Variants in SLC2A13 observed in about 807,000 individuals in gnomAD.
SLC2A13 encodes the protein proton myo-inositol cotransporter.
A neutral mutation model predicts 64.4 loss-of-function variants in SLC2A13; 32 were observed. That is an observed-to-expected ratio of 0.50 (90% CI 0.37 to 0.67). The LOEUF (loss-of-function observed/expected upper bound fraction) is 0.67, where lower values mean the gene tolerates loss of function less well. Ranked by LOEUF, SLC2A13 falls within the 30% of genes least tolerant of loss-of-function variation. SLC2A13 has a pLI of 0.00. For synonymous variants in SLC2A13, 338 were observed against 327.1 expected (o/e 1.03, Z -0.36); for missense variants, 743 against 829.2 (o/e 0.90, Z 1.28).
intron 1 of SLC2A13, among the ~76,000 whole-genome samples, chr12:40,052,815 A>C (rs1948280364): frequency 6.6e-6 from 1 of 152,134 alleles, no homozygotes; most frequent in Non-Finnish European, 1.5e-5. Context: ...GGATAAGATC[A>C]CTCAATGGCA....
At chr12:40,024,845 T>C (rs1565594712) in intron 3 of SLC2A13, among the ~76,000 whole-genome samples, 1 of 152,218 alleles carries the variant, frequency 6.6e-6, no homozygotes, top group Non-Finnish European at 1.5e-5. Context: ...AATCTGGTTT[T>C]CTTTTCTTAC....
rs7307258 is a variant in SLC2A13, at chr12:40,026,521, A to G, written c.925+1780T>C. Among the ~76,000 whole-genome samples the G allele has an allele frequency of 9.5e-3, 1,440 of 152,334 alleles. 16 individuals are homozygous for G. The highest frequency in any genetic ancestry group is 0.032 in the African/African-American group (1,351 of 41,580). ...AATGTCTAAAACTCAAATAGGATAC[A>G]CCGTCAACACTGCATGGCTAGAGTA... On this transcript the variant is annotated intron_variant, in intron 3 of 9. Transcript: ENST00000280871.
chr12:39,982,767 G>C (rs1400698584), intron 3 of SLC2A13, among the ~76,000 whole-genome samples: 1 of 148,908 alleles, frequency 6.7e-6, no homozygotes, highest in Non-Finnish European at 1.5e-5. Flanking sequence ...GTAATTTACA[G>C]ATTCAGTGCC....
intron 2 of SLC2A13, among the ~76,000 whole-genome samples, chr12:40,041,109 C>A (rs1224428564): frequency 1.3e-5 from 2 of 152,154 alleles, no homozygotes; most frequent in Admixed American, 1.3e-4. Context: ...CCCACCACCG[C>A]GCCCGGCTAA....
intron 9 of SLC2A13, 101 bp from the exon 10 acceptor site, chr12:39,760,353 C>G (rs1940089106): frequency 1.9e-6 from 2 of 1,070,688 alleles, no homozygotes; most frequent in Non-Finnish European, 2.7e-6. Context: ...GTCAGTCATG[C>G]ATAATCACAG....
rs181484283 is a variant in SLC2A13 at position 39,978,492 on chromosome 12, G to T, written c.926-27127C>A. 7.3e-4 allele frequency among the ~76,000 whole-genome samples: 111 copies of T among 152,316 alleles called. 1 individual carries two copies. Among genetic ancestry groups the T allele is most frequent in the African/African-American group, 1.9e-3 (78 of 41,574 alleles). On this transcript the variant is annotated intron_variant, in intron 3 of 9. Transcript: ENST00000280871. ...CACCGTGCGCGAGCCGAAGCAGGGC[G>T]AGGCATTGCCTCACCTGGGAAGCGC... is the stretch of plus-strand genomic sequence containing the variant.
At chr12:39,978,376 G>A (rs1170778728) in intron 3 of SLC2A13, among the ~76,000 whole-genome samples, 1 of 152,208 alleles carries the variant, frequency 6.6e-6, no homozygotes, top group South Asian at 2.1e-4. Context: ...AAGCGATGCA[G>A]AAGACGGGTG....
chr12:39,869,852 T>C (rs1943998130), intron 5 of SLC2A13, among the ~76,000 whole-genome samples: 2 of 152,220 alleles, frequency 1.3e-5, no homozygotes, highest in Non-Finnish European at 1.5e-5. Flanking sequence ...CTGTGACAGC[T>C]AAAATGCTCA....
intron 3 of SLC2A13, among the ~76,000 whole-genome samples, chr12:40,003,016 C>A (rs932968138): frequency 1.3e-4 from 20 of 152,336 alleles, no homozygotes; most frequent in African/African-American, 4.8e-4. Flanking sequence ...GTATTGGTCA[C>A]TGGCTCAGTG....
At chr12:39,980,490 A>C (rs1241462604) in intron 3 of SLC2A13, among the ~76,000 whole-genome samples, 1 of 151,720 alleles carries the variant, frequency 6.6e-6, no homozygotes, top group Non-Finnish European at 1.5e-5. Context: ...TCTACCAAGC[A>C]AATGGAAAAC....
chr12:39,994,737 G>A (rs1201617457), intron 3 of SLC2A13, among the ~76,000 whole-genome samples: 1 of 152,200 alleles, frequency 6.6e-6, no homozygotes, highest in Non-Finnish European at 1.5e-5. Flanking sequence ...GTGTGACTCT[G>A]AGAAAGTACC....
intron 1 of SLC2A13, among the ~76,000 whole-genome samples, chr12:40,074,884 A>G (rs975557866): frequency 3.3e-5 from 5 of 152,178 alleles, no homozygotes; most frequent in African/African-American, 7.2e-5. Context: ...TGGGAACTTC[A>G]CAAGTGCTTC....
At chr12:39,896,997 A>G (rs143777697) in intron 4 of SLC2A13, among the ~76,000 whole-genome samples, 1 of 152,302 alleles carries the variant, frequency 6.6e-6, no homozygotes, top group African/African-American at 2.4e-5. Flanking sequence ...GGGGTTTAGT[A>G]AAAGAAAAAA....
At chr12:39,968,281 T>C (rs1402810831) in intron 3 of SLC2A13, among the ~76,000 whole-genome samples, 1 of 152,038 alleles carries the variant, frequency 6.6e-6, no homozygotes, top group Non-Finnish European at 1.5e-5. Context: ...GAGCCCCTTA[T>C]TAAACCATCA....
chr12:40,016,506 A>G (rs1026290143), intron 3 of SLC2A13, among the ~76,000 whole-genome samples: 3 of 152,200 alleles, frequency 2.0e-5, no homozygotes, highest in Non-Finnish European at 4.4e-5. Flanking sequence ...CTACAATTCT[A>G]TGGTCAAGAT....
At chr12:39,808,094 A>G (rs1027586878) in intron 7 of SLC2A13, among the ~76,000 whole-genome samples, 9 of 152,180 alleles carry the variant, frequency 5.9e-5, no homozygotes, top group African/African-American at 1.9e-4. Flanking sequence ...AAACATTTCC[A>G]TAACACCAAA....
intron 3 of SLC2A13, among the ~76,000 whole-genome samples, chr12:40,002,647 C>T (rs11174697): frequency 0.028 from 4,331 of 152,302 alleles, 176 homozygotes; most frequent in Admixed American, 0.11. Context: ...TAGGAACTCT[C>T]TTAGGTCCTT....
chr12:39,760,330 C>T, intron 9 of SLC2A13, 78 bp from the exon 10 acceptor site: 1 of 1,331,294 alleles, frequency 7.5e-7, no homozygotes, highest in East Asian at 2.5e-5. Flanking sequence ...TTGATTTTGA[C>T]TTTTTTTTTC....
At chr12:40,011,477 TC>T (rs1315336600) in intron 3 of SLC2A13, among the ~76,000 whole-genome samples, 2 of 152,348 alleles carry the variant, frequency 1.3e-5, no homozygotes, top group African/African-American at 2.4e-5. Context: ...AAGAATCTTT[TC>T]CTTCAAGTTT....
Sources: allele counts gnomAD v4.1 joint callset (sites outside exome capture counted in the v4.1 genomes callset), GRCh38; gene constraint gnomAD v4.1.1; transcripts MANE v1.5; gene names NCBI Gene and HGNC (gene_info 2026-07-23, HGNC 2026-07-21).